Variants in RAB6B observed in about 807,000 individuals in gnomAD.
RAB6B encodes the protein RAB6B, member RAS oncogene family.
In RAB6B, 7 loss-of-function variants were observed where a neutral mutation model predicts 31.2. The observed-to-expected ratio is 0.22, with a 90% CI of 0.13 to 0.42. The LOEUF (loss-of-function observed/expected upper bound fraction) is 0.42. Ranked by LOEUF, RAB6B falls within the 10% of genes least tolerant of loss-of-function variation. The pLI is 1.00. For synonymous variants in RAB6B, 105 were observed against 104.9 expected (o/e 1.00, Z -0.01); for missense variants, 149 against 280.6 (o/e 0.53, Z 3.35).
At chr3:133,871,277 G>A (rs1287922994) in intron 1 of RAB6B, among the ~76,000 whole-genome samples, 1 of 152,208 alleles carries the variant, frequency 6.6e-6, no homozygotes, top group Non-Finnish European at 1.5e-5. Flanking sequence ...TACGGGAAGG[G>A]TCTCCTGAGA....
At chr3:133,874,989 T>C (rs1324909302) in intron 1 of RAB6B, among the ~76,000 whole-genome samples, 1 of 152,184 alleles carries the variant, frequency 6.6e-6, no homozygotes, top group Non-Finnish European at 1.5e-5. Context: ...AATACTGCTT[T>C]CTGGAGGTCC....
intron 1 of RAB6B, among the ~76,000 whole-genome samples, chr3:133,882,074 C>G (rs1936473304): frequency 1.3e-5 from 2 of 152,172 alleles, no homozygotes; most frequent in African/African-American, 2.4e-5. Flanking sequence ...GAGTCATTTT[C>G]CAAGCTTGTG....
In RAB6B at chr3:133,863,042, C is replaced by A. The variant is rs189579370; in HGVS notation, c.129+1542G>T. ...GAATTCAAACCGATCCAGTAGAACTCCCCTCATTAGGAGGACAGGCTTGGT... is the reference window on the plus strand; with the variant it reads ...GAATTCAAACCGATCCAGTAGAACTACCCTCATTAGGAGGACAGGCTTGGT... On this transcript the variant is annotated intron_variant, in intron 2 of 7. Transcript: ENST00000285208. Among the ~76,000 whole-genome samples the A allele has an allele frequency of 1.7e-4, 26 of 152,332 alleles. No individual in the cohort carries two copies. In the East Asian group the frequency reaches 4.1e-3, roughly 24 times the overall value.
At position 133,828,669 on chromosome 3, in the gene RAB6B, G is replaced by T; in HGVS notation, c.*119C>A. On this transcript the variant is annotated 3_prime_UTR_variant, in exon 8 of 8. Coordinates refer to ENST00000285208, the MANE Select transcript of RAB6B (RefSeq NM_016577.4). ...ATCCCACCCTACTCCTAAAGACAGA[G>T]AGAAAAGAAAAATCCTCCCATCTTG... The T allele has an allele frequency of 3.4e-6, 3 of 884,300 alleles. No individual in the cohort carries two copies. The highest frequency in any genetic ancestry group is 2.9e-5 in the East Asian group (1 of 34,354). 54.8% of individuals were successfully genotyped at this position (884,300 alleles called of 1,614,324 possible).
chr3:133,837,944 T>C (rs1260143190), intron 6 of RAB6B, among the ~76,000 whole-genome samples: 2 of 152,222 alleles, frequency 1.3e-5, no homozygotes, highest in Non-Finnish European at 2.9e-5. Flanking sequence ...TGGTGACTTA[T>C]GTTCTCCAGA....
intron 7 of RAB6B, among the ~76,000 whole-genome samples, chr3:133,830,731 T>C (rs551743916): frequency 6.6e-6 from 1 of 152,300 alleles, no homozygotes; most frequent in South Asian, 2.1e-4. Flanking sequence ...CCCAAGGCTA[T>C]CTTGACCCCA....
intron 3 of RAB6B, 96 bp downstream of exon 3, chr3:133,841,514 C>T (rs753300157): frequency 3.0e-4 from 456 of 1,534,830 alleles, no homozygotes; most frequent in Non-Finnish European, 3.8e-4. Flanking sequence ...CCCCTAGTGT[C>T]GGCAGGTGCT....
At chr3:133,879,842 T>C (rs1051851286) in intron 1 of RAB6B, among the ~76,000 whole-genome samples, 3 of 152,216 alleles carry the variant, frequency 2.0e-5, no homozygotes, top group African/African-American at 4.8e-5. Flanking sequence ...CAGCACCAGC[T>C]AGCTTTGAAT....
intron 1 of RAB6B, among the ~76,000 whole-genome samples, chr3:133,886,732 T>G (rs1350047352): frequency 6.6e-6 from 1 of 152,236 alleles, no homozygotes; most frequent in East Asian, 1.9e-4. Context: ...TCAATGATTC[T>G]CAAAATCTCG....
chr3:133,869,616 G>A (rs531063483), intron 1 of RAB6B, among the ~76,000 whole-genome samples: 5 of 152,216 alleles, frequency 3.3e-5, no homozygotes, highest in African/African-American at 1.2e-4. Context: ...ATTCCATCAG[G>A]GGGTGAATCT....
chr3:133,838,472 C>T (rs1216348222), intron 5 of RAB6B, among the ~76,000 whole-genome samples: 3 of 152,178 alleles, frequency 2.0e-5, no homozygotes, highest in Non-Finnish European at 4.4e-5. Context: ...CTATCCGCTT[C>T]CCCCACTCCT....
At chr3:133,881,566 CAG>C (rs1252154727) in intron 1 of RAB6B, among the ~76,000 whole-genome samples, 2 of 152,200 alleles carry the variant, frequency 1.3e-5, no homozygotes, top group Admixed American at 1.3e-4. Context: ...CACAGATGAT[CAG>C]AGTGACCTCA....
chr3:133,889,438 ATATATATTTATT>A (rs1936605923), intron 1 of RAB6B, among the ~76,000 whole-genome samples: 2 of 70,758 alleles, frequency 2.8e-5, no homozygotes, highest in African/African-American at 1.1e-4. Context: ...ATATATATAT[ATATATATTTATT>A]TTGGGATGGA....
At chr3:133,839,134 C>T (rs1337885043) in intron 5 of RAB6B, among the ~76,000 whole-genome samples, 1 of 152,242 alleles carries the variant, frequency 6.6e-6, no homozygotes, top group African/African-American at 2.4e-5. Flanking sequence ...AGACACTTCA[C>T]AGGCACAGAC....
At chr3:133,856,821 T>A (rs1936085487) in intron 2 of RAB6B, among the ~76,000 whole-genome samples, 1 of 152,200 alleles carries the variant, frequency 6.6e-6, no homozygotes, top group South Asian at 2.1e-4. Flanking sequence ...AGTGCCCCAG[T>A]GGGTCTCTGA....
chr3:133,855,792 T>C (rs891959476), intron 2 of RAB6B, among the ~76,000 whole-genome samples: 7 of 152,212 alleles, frequency 4.6e-5, no homozygotes, highest in Non-Finnish European at 8.8e-5. Context: ...TATCAGGAGC[T>C]ACTGGTGGGC....
intron 5 of RAB6B, 34 bp from the exon 6 acceptor site, chr3:133,838,293 G>A: frequency 6.3e-7 from 1 of 1,580,228 alleles, no homozygotes; most frequent in Non-Finnish European, 8.7e-7. Context: ...AATCAGCTCA[G>A]CAGAGAAGCA....
At chr3:133,829,517 A>G (rs578126496) in intron 7 of RAB6B, among the ~76,000 whole-genome samples, 1 of 152,256 alleles carries the variant, frequency 6.6e-6, no homozygotes, top group Admixed American at 6.5e-5. Context: ...CTCAAAACCA[A>G]CACTGTGAGA....
Position 133,867,258 on chromosome 3 carries a change from C to T in RAB6B, c.71-2616G>A, listed in dbSNP as rs146398909. On this transcript the variant is annotated intron_variant, in intron 1 of 7. Transcript: ENST00000285208. ...CAGAGCTGATATTTTCTATGCATTC[C>T]CGCAGTCACCATAATAGGCAACACA... Among the ~76,000 whole-genome samples, 4 of 152,286 alleles carry T rather than the reference C, an allele frequency of 2.6e-5. No individual in the cohort carries two copies. In the East Asian group the frequency reaches 7.7e-4, roughly 29 times the overall value.
Sources: gnomAD v4.1 joint callset for allele counts (sites outside exome capture counted in the v4.1 genomes callset) on GRCh38, gnomAD v4.1.1 for gene constraint, MANE v1.5 for transcripts, NCBI Gene and HGNC (gene_info 2026-07-23, HGNC 2026-07-21) for gene names.